ROBO2: variants seen among roughly 807,000 people sequenced by gnomAD.
ROBO2 encodes roundabout homolog 2.
ROBO2 carries 53 observed loss-of-function variants against 160.8 expected under a neutral mutation model. That is an observed-to-expected ratio of 0.33 (90% CI 0.26 to 0.41). The LOEUF is 0.41. Among genes scored for constraint, ROBO2 ranks in the 10% least tolerant of loss-of-function variants. ROBO2 has a pLI of 1.00. For missense variants in ROBO2, 1,577 were observed against 1,722.4 expected (o/e 0.92, Z 1.49); for synonymous variants, 664 against 611.7 (o/e 1.09, Z -1.26).
intron 1 of ROBO2, among the ~76,000 whole-genome samples, chr3:75,916,458 T>G (rs1267847799): frequency 4.6e-5 from 7 of 152,238 alleles, no homozygotes; most frequent in Non-Finnish European, 1.0e-4. Context: ...AGAATGAAAA[T>G]AAACAGATTT....
chr3:76,983,136 T>A (rs2149335738), intron 2 of ROBO2, among the ~76,000 whole-genome samples: 1 of 152,034 alleles, frequency 6.6e-6, no homozygotes, highest in Non-Finnish European at 1.5e-5. Context: ...ATACAAAAAA[T>A]TAGCCGGGCG....
At chr3:77,039,447 C>G (rs773833847), upstream of ROBO2, among the ~76,000 whole-genome samples, 1 of 152,186 alleles carries the variant, frequency 6.6e-6, no homozygotes, top group Non-Finnish European at 1.5e-5. Context: ...GGAAGGGCTT[C>G]CATGAAATCA....
At chr3:77,026,927 C>T (rs1387301611) in intron 2 of ROBO2, among the ~76,000 whole-genome samples, 2 of 152,110 alleles carry the variant, frequency 1.3e-5, no homozygotes. Flanking sequence ...TAATATATTT[C>T]AGTGTTTTTC....
At chr3:75,992,478 T>G (rs2107519012) in intron 2 of ROBO2, among the ~76,000 whole-genome samples, 1 of 152,244 alleles carries the variant, frequency 6.6e-6, no homozygotes, top group South Asian at 2.1e-4. Flanking sequence ...GGGAACCTCC[T>G]TCTAGATTTC....
intron 2 of ROBO2, among the ~76,000 whole-genome samples, chr3:76,479,493 T>G (rs2079100489): frequency 6.6e-6 from 1 of 152,152 alleles, no homozygotes; most frequent in Non-Finnish European, 1.5e-5. Context: ...ACCATAAAAA[T>G]CTTTCACATG....
At chr3:76,052,250 A>G (rs1395699494) in intron 2 of ROBO2, among the ~76,000 whole-genome samples, 3 of 152,024 alleles carry the variant, frequency 2.0e-5, no homozygotes, top group Non-Finnish European at 2.9e-5. Flanking sequence ...TTAAGAGACA[A>G]TGGAGTAATG....
At chr3:76,675,231 G>A (rs866253025) in intron 2 of ROBO2, among the ~76,000 whole-genome samples, 33 of 152,108 alleles carry the variant, frequency 2.2e-4, no homozygotes, top group African/African-American at 7.5e-4. Context: ...TGAAGGATAC[G>A]AGGAATTAGT....
chr3:77,600,658 T>C (rs1164487082), intron 19 of ROBO2, among the ~76,000 whole-genome samples: 2 of 152,164 alleles, frequency 1.3e-5, no homozygotes, highest in African/African-American at 2.4e-5. Context: ...GTGAAGGACA[T>C]GGTAGAAGCG....
At chr3:77,340,291 T>C (rs146105502) in intron 2 of ROBO2, among the ~76,000 whole-genome samples, 58 of 152,256 alleles carry the variant, frequency 3.8e-4, no homozygotes, top group African/African-American at 1.4e-3. Context: ...AGTAGTAATA[T>C]GAACGTGAAA....
At chr3:76,745,826 TATTTATTTA>T (rs1219312486) in intron 2 of ROBO2, among the ~76,000 whole-genome samples, 1 of 149,524 alleles carries the variant, frequency 6.7e-6, no homozygotes, top group Non-Finnish European at 1.5e-5. Flanking sequence ...TTTATTTATT[TATTTATTTA>T]TTTTATTATT....
At chr3:77,090,903 G>A (rs371392616) in intron 1 of ROBO2, among the ~76,000 whole-genome samples, 2 of 152,114 alleles carry the variant, frequency 1.3e-5, no homozygotes, top group South Asian at 2.1e-4. Flanking sequence ...TATCGTTTTG[G>A]GGAACAATAT....
At chr3:76,986,625 A>C (rs112720991) in intron 2 of ROBO2, among the ~76,000 whole-genome samples, 164 of 152,270 alleles carry the variant, frequency 1.1e-3, no homozygotes, top group African/African-American at 3.7e-3. Context: ...GAAATATTAT[A>C]AAATTAATCT....
intron 2 of ROBO2, among the ~76,000 whole-genome samples, chr3:77,460,824 A>G (rs528573175): frequency 7.9e-5 from 12 of 152,324 alleles, no homozygotes; most frequent in African/African-American, 2.9e-4. Context: ...CATTGGAGAT[A>G]ATAGCTGATA....
intron 2 of ROBO2, among the ~76,000 whole-genome samples, chr3:76,653,585 T>A (rs1224459713): frequency 3.9e-5 from 6 of 152,174 alleles, no homozygotes; most frequent in Non-Finnish European, 7.4e-5. Context: ...TGCTTTTTTT[T>A]AAATTATACA....
At chr3:77,471,489 G>C (rs953791420) in intron 2 of ROBO2, among the ~76,000 whole-genome samples, 3 of 152,160 alleles carry the variant, frequency 2.0e-5, no homozygotes, top group African/African-American at 7.2e-5. Flanking sequence ...GCCAGCTGTT[G>C]GCTGGAAGCT....
intron 2 of ROBO2, among the ~76,000 whole-genome samples, chr3:76,151,709 G>A (rs1193072327): frequency 6.6e-6 from 1 of 152,074 alleles, no homozygotes; most frequent in African/African-American, 2.4e-5. Context: ...TTCCTCAAAT[G>A]ATCCATTTTC....
intron 2 of ROBO2, among the ~76,000 whole-genome samples, chr3:76,310,206 A>G (rs1346515656): frequency 6.6e-6 from 1 of 152,226 alleles, no homozygotes; most frequent in African/African-American, 2.4e-5. Flanking sequence ...TTATAACCAT[A>G]CCTTGTGACC....
chr3:77,047,353 A>T (rs902865457), intron 1 of ROBO2, among the ~76,000 whole-genome samples: 1 of 152,124 alleles, frequency 6.6e-6, no homozygotes, highest in African/African-American at 2.4e-5. Flanking sequence ...TGTATATCTC[A>T]TACAGTTATA....
Position 76,822,868 on chromosome 3 carries a change from C to A in ROBO2, c.110-275146C>A, listed in dbSNP as rs2066243182. On this transcript the variant is annotated intron_variant, in intron 2 of 26. Transcript: ENST00000487694. ...TCTTTTATTTCTATATAATTCTTTT[C>A]TTTCCTCTATTTTTCCTCCAAAGTG... Among the ~76,000 whole-genome samples, 2 of 151,854 alleles carry A rather than the reference C, an allele frequency of 1.3e-5. 1 individual carries two copies. Among genetic ancestry groups the A allele is most frequent in the Admixed American group, 1.3e-4 (2 of 15,214 alleles).
Sources: gnomAD v4.1 joint callset for allele counts (sites outside exome capture counted in the v4.1 genomes callset) on GRCh38, gnomAD v4.1.1 for gene constraint, MANE v1.5 for transcripts, NCBI Gene and HGNC (gene_info 2026-07-23, HGNC 2026-07-21) for gene names.